CCDC178: variants seen among roughly 807,000 people sequenced by gnomAD.
CCDC178 encodes coiled-coil domain containing 178, also known as coiled-coil domain-containing protein 178.
Under a neutral mutation model 117.4 loss-of-function variants are expected in CCDC178, and 126 were observed. That is an observed-to-expected ratio of 1.07 (90% CI 0.93 to 1.24). The LOEUF (loss-of-function observed/expected upper bound fraction) is 1.24, where lower values mean the gene tolerates loss of function less well. Ranked by LOEUF, CCDC178 falls within the 50% of genes most tolerant of loss-of-function variation. The pLI, the probability that CCDC178 is intolerant of heterozygous loss-of-function variation, is 0.00. For synonymous variants in CCDC178, 283 were observed against 313.4 expected (o/e 0.90, Z 1.02); for missense variants, 1,030 against 986.9 (o/e 1.04, Z -0.59).
chr18:33,187,770 T>G (rs2058814481), intron 20 of CCDC178, among the ~76,000 whole-genome samples: 1 of 152,112 alleles, frequency 6.6e-6, no homozygotes. Flanking sequence ...AATCTCCATT[T>G]GAGTGGTGAG....
At chr18:33,415,452 CA>C (rs1296684676) in intron 2 of CCDC178, among the ~76,000 whole-genome samples, 3 of 141,086 alleles carry the variant, frequency 2.1e-5, no homozygotes, top group African/African-American at 5.3e-5. Flanking sequence ...ATCGCAAGGA[CA>C]AAAAAACAAA....
chr18:33,154,351 T>C (rs913999347), intron 20 of CCDC178, among the ~76,000 whole-genome samples: 10 of 151,820 alleles, frequency 6.6e-5, no homozygotes, highest in East Asian at 1.9e-4. Context: ...ATATCACAAA[T>C]TGTGACTCAT....
At chr18:33,330,235 T>C (rs746408812) in intron 10 of CCDC178, among the ~76,000 whole-genome samples, 12 of 152,182 alleles carry the variant, frequency 7.9e-5, no homozygotes, top group Non-Finnish European at 1.5e-4. Flanking sequence ...TACTAAGATA[T>C]CACTTTTCTT....
At chr18:33,249,859 A>T in intron 14 of CCDC178, among the ~76,000 whole-genome samples, 1 of 152,052 alleles carries the variant, frequency 6.6e-6, no homozygotes, top group East Asian at 1.9e-4. Flanking sequence ...TACCTTGGGC[A>T]GTATGGCCAT....
intron 21 of CCDC178, among the ~76,000 whole-genome samples, chr18:33,060,226 T>A (rs1481113643): frequency 1.3e-5 from 2 of 152,144 alleles, no homozygotes; most frequent in Admixed American, 6.5e-5. Flanking sequence ...AGGAGCCAAA[T>A]AACGAGTTTC....
chr18:33,415,309 G>A (rs1046562548), intron 2 of CCDC178, among the ~76,000 whole-genome samples: 4 of 152,028 alleles, frequency 2.6e-5, no homozygotes, highest in Admixed American at 6.6e-5. Flanking sequence ...CCCAAATGTC[G>A]ATCAATGATA....
Position 32,983,389 on chromosome 18 carries a change from C to G in CCDC178, c.2389-8708G>C, listed in dbSNP as rs77414735. 2,397 of 1,296,228 alleles carry G rather than the reference C, an allele frequency of 1.8e-3. 37 individuals are homozygous for G. The African/African-American group carries it at 0.032, about 17-fold the overall frequency. The allele number at this position is 1,296,228 out of a possible 1,614,324, so 80.3% of individuals were successfully genotyped here. A position where few individuals can be genotyped will look rare whatever the true frequency, so the allele number is the denominator to read the frequency against. On this transcript the variant is annotated intron_variant, in intron 21 of 22. Coordinates refer to ENST00000383096, the MANE Select transcript of CCDC178 (RefSeq NM_001105528.4). ...AATATTACAAATATTACAAATGAAG[C>G]CATTTCAGAAGTCCGTATTTCCTAT...
intron 20 of CCDC178, among the ~76,000 whole-genome samples, chr18:33,175,025 T>A (rs1206219445): frequency 2.1e-5 from 3 of 142,526 alleles, no homozygotes; most frequent in Admixed American, 6.9e-5. Context: ...GCTAATTTTT[T>A]ATTTTTTTAT....
At chr18:32,997,466 C>T (rs1378685627) in intron 21 of CCDC178, among the ~76,000 whole-genome samples, 2 of 152,128 alleles carry the variant, frequency 1.3e-5, no homozygotes, top group East Asian at 1.9e-4. Context: ...CAGGGTCAAG[C>T]TGCAAGTTTT....
intron 10 of CCDC178, among the ~76,000 whole-genome samples, chr18:33,324,936 T>C (rs1398496694): frequency 6.6e-6 from 1 of 151,822 alleles, no homozygotes; most frequent in Non-Finnish European, 1.5e-5. Context: ...TATTGGATGG[T>C]TTAGTTCTGG....
chr18:33,041,651 T>C (rs2056551461), intron 21 of CCDC178, among the ~76,000 whole-genome samples: 1 of 151,498 alleles, frequency 6.6e-6, no homozygotes, highest in Non-Finnish European at 1.5e-5. Flanking sequence ...TTTAATAAAA[T>C]AATAATTATT....
intron 4 of CCDC178, among the ~76,000 whole-genome samples, chr18:33,396,272 T>G (rs2063635116): frequency 6.6e-6 from 1 of 152,128 alleles, no homozygotes; most frequent in Admixed American, 6.6e-5. Context: ...GTATGGGGAT[T>G]GTCAATACTT....
intron 21 of CCDC178, among the ~76,000 whole-genome samples, chr18:33,083,918 C>T (rs1337706299): frequency 6.6e-6 from 1 of 152,212 alleles, no homozygotes; most frequent in East Asian, 1.9e-4. Context: ...TTATATTTAA[C>T]ACTCTAACGC....
intron 21 of CCDC178, among the ~76,000 whole-genome samples, chr18:33,062,731 G>T (rs2056944584): frequency 6.6e-6 from 1 of 152,036 alleles, no homozygotes; most frequent in Non-Finnish European, 1.5e-5. Context: ...ATTCCCCAAG[G>T]TCCAAGAAGC....
chr18:33,104,228 A>G (rs1598886699), intron 20 of CCDC178, among the ~76,000 whole-genome samples: 2 of 151,858 alleles, frequency 1.3e-5, no homozygotes, highest in South Asian at 4.1e-4. Flanking sequence ...AAAACCTCTA[A>G]AGAAGGTAAA....
At chr18:33,086,455 T>C (rs1478237819) in intron 21 of CCDC178, among the ~76,000 whole-genome samples, 2 of 149,892 alleles carry the variant, frequency 1.3e-5, no homozygotes, top group Admixed American at 6.7e-5. Context: ...CATATATATA[T>C]ATAGCGAGAA....
intron 21 of CCDC178, among the ~76,000 whole-genome samples, chr18:32,988,216 G>C (rs1396049641): frequency 6.6e-6 from 1 of 151,972 alleles, no homozygotes; most frequent in Non-Finnish European, 1.5e-5. Context: ...TGGATCATCT[G>C]ACTGAGGTCA....
chr18:33,160,378 A>G (rs2058448271), intron 20 of CCDC178, among the ~76,000 whole-genome samples: 2 of 152,114 alleles, frequency 1.3e-5, no homozygotes, highest in African/African-American at 4.8e-5. Context: ...TTTTTGGTAA[A>G]TAATCTGTGT....
intron 12 of CCDC178, among the ~76,000 whole-genome samples, chr18:33,289,084 G>GT (rs767191227): frequency 6.6e-6 from 1 of 151,942 alleles, no homozygotes; most frequent in African/African-American, 2.4e-5. Context: ...TAGTGGGTTG[G>GT]TTTTTTTGTT....
Sources: allele counts gnomAD v4.1 joint callset (sites outside exome capture counted in the v4.1 genomes callset), GRCh38; gene constraint gnomAD v4.1.1; transcripts MANE v1.5; gene names NCBI Gene and HGNC (gene_info 2026-07-23, HGNC 2026-07-21).